TCP11L1: variants seen among roughly 807,000 people sequenced by gnomAD.
TCP11L1 encodes the protein t-complex 11 like 1, also known as T-complex protein 11-like protein 1.
A neutral mutation model predicts 48.9 loss-of-function variants in TCP11L1; 28 were observed. The ratio of observed to expected loss-of-function variants is 0.57; its 90% confidence interval spans 0.42 to 0.78. The LOEUF (loss-of-function observed/expected upper bound fraction) is 0.78, where lower values mean the gene tolerates loss of function less well. Among genes scored for constraint, TCP11L1 ranks in the 30% least tolerant of loss-of-function variants. The pLI, the probability that TCP11L1 is intolerant of heterozygous loss-of-function variation, is 0.00. For synonymous variants in TCP11L1, 204 were observed against 231.9 expected, an observed-to-expected ratio of 0.88 and a Z score of 1.09; for missense variants, 505 against 613.4, an observed-to-expected ratio of 0.82 and a Z score of 1.87.
intron 8 of TCP11L1, among the ~76,000 whole-genome samples, chr11:33,067,908 A>G (rs1854664437): frequency 6.6e-6 from 1 of 151,640 alleles, no homozygotes; most frequent in African/African-American, 2.4e-5. Context: ...TATTTTTTAA[A>G]AATTTTTTAA....
chr11:33,065,785 A>G lies in TCP11L1; in HGVS notation c.973-45A>G, dbSNP rs374953621. The G allele has an allele frequency of 3.2e-6, 5 of 1,586,702 alleles. No individual in the cohort carries two copies. The African/African-American group carries it at 6.7e-5, about 21-fold the overall frequency. ...GTGGCGCTCCCGCCCTCTGCTGGCCAACCTGGACCTGCAGCTCAGCGATGG... is the reference window on the plus strand; with the variant it reads ...GTGGCGCTCCCGCCCTCTGCTGGCCGACCTGGACCTGCAGCTCAGCGATGG... On this transcript the variant is annotated intron_variant, in intron 7 of 9. Coordinates refer to ENST00000334274, the MANE Select transcript of TCP11L1 (RefSeq NM_018393.4).
chr11:33,058,453 C>G (rs12295782), intron 5 of TCP11L1, among the ~76,000 whole-genome samples: 1 of 151,548 alleles, frequency 6.6e-6, no homozygotes, highest in South Asian at 2.1e-4. Context: ...CTGCCTTGGC[C>G]TCCCAAAGTG....
Position 33,068,822 on chromosome 11 carries a change from C to T in TCP11L1, c.1290C>T (p.Ala430=), listed in dbSNP as rs771757207. Residue 430 remains alanine (A), a synonymous_variant, in exon 9 of 10, where the codon GCC becomes GCT. Transcript: ENST00000334274. ...CCGTGCTCAAGGGCCAGATCCAGGC[C>T]GTGGCCAGTCCCGATGACCCCATTC... is the stretch of plus-strand genomic sequence containing the variant. ...KETVLKGQIQ[A]VASPDDPIRR... is the part of the protein sequence containing the mutation. 9.9e-6 allele frequency: 16 copies of T among 1,613,916 alleles called. No individual in the cohort carries two copies. Among genetic ancestry groups the T allele is most frequent in the East Asian group, 2.2e-5 (1 of 44,894 alleles).
At chr11:33,060,356 G>A (rs774524720) in intron 6 of TCP11L1, among the ~76,000 whole-genome samples, 1 of 152,152 alleles carries the variant, frequency 6.6e-6, no homozygotes, top group Non-Finnish European at 1.5e-5. Context: ...AAGCTGGGGG[G>A]TTACGGAGAA....
chr11:33,069,608 T>C (rs1854718644), intron 9 of TCP11L1, among the ~76,000 whole-genome samples: 1 of 152,128 alleles, frequency 6.6e-6, no homozygotes, highest in Admixed American at 6.6e-5. Flanking sequence ...TGTTTGTTTG[T>C]TTTTGAGACA....
chr11:33,068,518 C>G (rs1406809293), intron 8 of TCP11L1, among the ~76,000 whole-genome samples, 169 bp from the exon 9 acceptor site: 1 of 151,806 alleles, frequency 6.6e-6, no homozygotes, highest in Non-Finnish European at 1.5e-5. Context: ...TCCCCCTGGT[C>G]AGGTATGCAC....
intron 7 of TCP11L1, among the ~76,000 whole-genome samples, chr11:33,062,437 G>A (rs779393266): frequency 6.6e-6 from 1 of 152,034 alleles, no homozygotes; most frequent in Admixed American, 6.6e-5. Context: ...GTTTTTTCAC[G>A]TTGTAGCACA....
chr11:33,044,619 G>T (rs1019513026), intron 2 of TCP11L1, among the ~76,000 whole-genome samples: 3 of 152,190 alleles, frequency 2.0e-5, no homozygotes, highest in Admixed American at 6.5e-5. Flanking sequence ...ATCAGTAGTT[G>T]TACGTATTTG....
chr11:33,063,469 T>A (rs1854523140), intron 7 of TCP11L1, among the ~76,000 whole-genome samples: 1 of 152,246 alleles, frequency 6.6e-6, no homozygotes. Flanking sequence ...TCTGTGCTGC[T>A]GAATTTTTCT....
At chr11:33,051,878 G>T (rs1797471501) in intron 2 of TCP11L1, among the ~76,000 whole-genome samples, 2 of 152,198 alleles carry the variant, frequency 1.3e-5, no homozygotes, top group South Asian at 4.1e-4. Context: ...AATAAGTCTT[G>T]AAATCAGTGT....
intron 8 of TCP11L1, among the ~76,000 whole-genome samples, chr11:33,066,341 A>T (rs1301051785): frequency 9.2e-5 from 14 of 152,160 alleles, no homozygotes; most frequent in Admixed American, 2.0e-4. Context: ...GGAGCCATTG[A>T]AGGATTTGAA....
intron 8 of TCP11L1, among the ~76,000 whole-genome samples, chr11:33,068,218 C>T (rs1402189762): frequency 6.6e-6 from 1 of 152,194 alleles, no homozygotes; most frequent in Non-Finnish European, 1.5e-5. Context: ...CCACTGAGCC[C>T]GGCCTCTTTA....
chr11:33,050,733 A>G (rs773397538), intron 2 of TCP11L1, among the ~76,000 whole-genome samples: 11 of 152,086 alleles, frequency 7.2e-5, no homozygotes, highest in Non-Finnish European at 1.5e-4. Flanking sequence ...CAAATTATCC[A>G]TTTTTTATTT....
chr11:33,057,024 C>T (rs1590231123), intron 3 of TCP11L1, 91 bp from the exon 4 acceptor site: 1 of 1,564,754 alleles, frequency 6.4e-7, no homozygotes, highest in East Asian at 2.2e-5. Context: ...TTGATCTTAC[C>T]CTAAACCCAT....
chr11:33,057,203 C>T lies in TCP11L1; in HGVS notation c.385C>T (p.His129Tyr), dbSNP rs1854336182. The change falls in exon 4 of 10, where the codon CAT becomes TAT. Residue 129 changes from histidine to tyrosine, a missense_variant. His to Tyr is a moderately conservative substitution (Grantham distance 83). This residue lies in a region of TCP11L1 where 168 missense variants were observed against 183.5 expected (regional missense o/e 0.92). Transcript: ENST00000334274. ...AAGTGAAGATCCCCCAGCATATGAC[C>T]ATGCTATCAAACTTGTAGGAGAAAT... ...QLSEDPPAYD[H>Y]AIKLVGEIKE... is the part of the protein sequence containing the mutation. 3 of 1,613,868 alleles carry T rather than the reference C, an allele frequency of 1.9e-6. No homozygotes were observed. In the Admixed American group the frequency reaches 5.0e-5, roughly 27 times the overall value.
chr11:33,040,768 CCTCTCCCCCT>C (rs1853807794), intron 1 of TCP11L1: 1 of 55,370 alleles, frequency 1.8e-5, no homozygotes, highest in Non-Finnish European at 4.0e-5. Context: ...CTTTTCACCT[CCTCTCCCCCT>C]CCTCTCCCCC....
chr11:33,071,000 CAAAAA>C (rs1364483410), intron 9 of TCP11L1, among the ~76,000 whole-genome samples: 2 of 145,296 alleles, frequency 1.4e-5, no homozygotes, highest in Non-Finnish European at 3.0e-5. Flanking sequence ...AACTCCATCT[CAAAAA>C]AGAAAAAAAA....
chr11:33,063,520 T>C (rs1314134355), intron 7 of TCP11L1, among the ~76,000 whole-genome samples: 1 of 152,180 alleles, frequency 6.6e-6, no homozygotes, highest in Non-Finnish European at 1.5e-5. Context: ...AACAGAGGTG[T>C]GGTTGTTCAC....
At chr11:33,057,258 A>T in intron 4 of TCP11L1, 23 bp downstream of exon 4, 1 of 1,614,102 alleles carries the variant, frequency 6.2e-7, no homozygotes. Context: ...GTGAATTGTG[A>T]TGCTTTTCTG....
Sources: gnomAD v4.1 joint callset for allele counts (sites outside exome capture counted in the v4.1 genomes callset) on GRCh38, gnomAD v4.1.1 for gene constraint, gnomAD v4.1.1 regional missense constraint, MANE v1.5 for transcripts, NCBI Gene and HGNC (gene_info 2026-07-23, HGNC 2026-07-21) for gene names.